HERC2: variants seen among roughly 807,000 people sequenced by gnomAD.
HERC2 encodes the protein E3 ubiquitin-protein ligase HERC2.
Under a neutral mutation model 537.7 loss-of-function variants are expected in HERC2, and 102 were observed. That is an observed-to-expected ratio of 0.19 (90% CI 0.16 to 0.22). The LOEUF (loss-of-function observed/expected upper bound fraction) is 0.22, where lower values mean the gene tolerates loss of function less well. Ranked by LOEUF, HERC2 falls within the 10% of genes least tolerant of loss-of-function variation. The pLI is 1.00. For synonymous variants in HERC2, 2,224 were observed against 2,466.2 expected, an observed-to-expected ratio of 0.90 and a Z score of 2.91; for missense variants, 4,236 against 6,198.2, an observed-to-expected ratio of 0.68 and a Z score of 10.63.
At chr15:28,304,250 T>A (rs188082077) in intron 2 of HERC2, among the ~76,000 whole-genome samples, 216 of 151,792 alleles carry the variant, frequency 1.4e-3, no homozygotes, top group African/African-American at 5.1e-3. Context: ...TTTACTGAAT[T>A]TATCAGTTCT....
In HERC2 at chr15:28,194,219, C is replaced by A. The variant is rs541474283; in HGVS notation, c.8260+1996G>T. Among the ~76,000 whole-genome samples the A allele has an allele frequency of 2.3e-3, 350 of 150,846 alleles. 3 individuals are homozygous for A. Among genetic ancestry groups the A allele is most frequent in the African/African-American group, 8.2e-3 (340 of 41,276 alleles). ...TAGCTGGGACTACAGGCGCCCGCCACCACGCCCGGCTAATTTTTTGTATTT... is the reference window on the plus strand; with the variant it reads ...TAGCTGGGACTACAGGCGCCCGCCAACACGCCCGGCTAATTTTTTGTATTT... On this transcript the variant is annotated intron_variant, in intron 52 of 92. Coordinates refer to ENST00000261609, the MANE Select transcript of HERC2 (RefSeq NM_004667.6).
At chr15:28,230,639 A>G (rs1901730515) in intron 30 of HERC2, 139 bp from the exon 31 acceptor site, 3 of 599,868 alleles carry the variant, frequency 5.0e-6, no homozygotes, top group Non-Finnish European at 8.7e-6. Context: ...TGCAATGCTC[A>G]ACAACAAGAG....
rs200862998 is a variant in HERC2, at chr15:28,245,566, T to TACAC, written c.3577+311_3577+314dup. 5.6e-3 allele frequency among the ~76,000 whole-genome samples: 668 copies of TACAC among 119,242 alleles called. 2 individuals are homozygous for TACAC. The highest frequency in any genetic ancestry group is 8.9e-3 in the African/African-American group (306 of 34,234). The allele number at this position is 119,242 out of a possible 152,430, so 78.2% of individuals were successfully genotyped here. On this transcript the variant is annotated intron_variant, in intron 23 of 92. Coordinates refer to ENST00000261609, the MANE Select transcript of HERC2 (RefSeq NM_004667.6). Reference sequence around the variant, plus strand: ...AGTGTCAAAAAAAAAAAAAAATATATACACACACACACACACACACACACA... The same window carrying TACAC: ...AGTGTCAAAAAAAAAAAAAAATATATACACACACACACACACACACACACACACA...
At chr15:28,167,193 G>C (rs572437664) in intron 68 of HERC2, among the ~76,000 whole-genome samples, 15 of 152,282 alleles carry the variant, frequency 9.9e-5, no homozygotes, top group Admixed American at 5.9e-4. Context: ...ACTTCCAGTG[G>C]AGAAACTTGG....
At chr15:28,246,599 A>T in intron 22 of HERC2, 143 bp downstream of exon 22, 1 of 327,700 alleles carries the variant, frequency 3.1e-6, no homozygotes, top group Non-Finnish European at 5.3e-6. Flanking sequence ...GTCAGTAACT[A>T]AAAAAAAAAA....
chr15:28,211,741 T>C (rs573911635), intron 43 of HERC2, among the ~76,000 whole-genome samples: 1 of 152,318 alleles, frequency 6.6e-6, no homozygotes, highest in East Asian at 1.9e-4. Flanking sequence ...GTGATTTGCA[T>C]GCACTGCACC....
At chr15:28,119,399 CAAAAAAAAAAAAAAAA>C (rs201078187) in intron 86 of HERC2, among the ~76,000 whole-genome samples, 5 of 133,960 alleles carry the variant, frequency 3.7e-5, no homozygotes, top group African/African-American at 7.0e-5. Context: ...GACTCCCTCT[CAAAAAAAAAAAAAAAA>C]AAAAAAAAAA....
In HERC2 at chr15:28,113,286, G is replaced by A; in HGVS notation, c.14020-3C>T. The A allele has an allele frequency of 6.2e-7, 1 of 1,613,898 alleles. No individual in the cohort carries two copies. The highest frequency in any genetic ancestry group is 1.1e-5 in the South Asian group (1 of 91,076). On this transcript the variant is annotated splice_polypyrimidine_tract_variant and splice_region_variant and intron_variant, in intron 91 of 92. Coordinates refer to ENST00000261609, the MANE Select transcript of HERC2 (RefSeq NM_004667.6). The surrounding 1 kb of genome is among the most constrained non-coding windows in gnomAD (Gnocchi z 7.0). ...GGGATGTCAGGGCTGCCACACACCT[G>A]CGGGAGGATGTCTGTCAGGGCCGCG...
Position 28,274,247 on chromosome 15 carries a change from G to A in HERC2, c.800+44C>T, listed in dbSNP as rs778179734. 4 of 1,604,934 alleles carry A rather than the reference G, an allele frequency of 2.5e-6. No homozygotes were observed. In the South Asian group the frequency reaches 4.4e-5, roughly 18 times the overall value. On this transcript the variant is annotated intron_variant, in intron 7 of 92. Coordinates refer to ENST00000261609, the MANE Select transcript of HERC2 (RefSeq NM_004667.6). The stretch of plus-strand genomic sequence containing the variant: ...GGGTGGTAAGAACCAGCCTCAAGCA[G>A]GCCAGCTGTCTGCGTGCAGAAGGCA...
In HERC2 at chr15:28,265,924, C is replaced by A. The variant is rs2075554513; in HGVS notation, c.1649G>T (p.Gly550Val). The A allele has an allele frequency of 6.2e-7, 1 of 1,614,188 alleles. No homozygotes were observed. The highest frequency in any genetic ancestry group is 1.7e-5 in the Admixed American group (1 of 60,022). The change falls in exon 13 of 93, where the codon GGG becomes GTG. Residue 550 changes from glycine to valine, a missense_variant. Coordinates refer to ENST00000261609, the MANE Select transcript of HERC2 (RefSeq NM_004667.6). This position sits in a 1 kb window ranked among gnomAD's most constrained non-coding sequence, Gnocchi z 4.0. ...GCAAGCGATGTGCACCACGTGCTTC[C>A]CGGCCTGCTTTCCAGAGAAGGCGGA... ...VISAFSGKQA[G>V]KHVVHIACGS...
At chr15:28,226,435 T>C (rs1195813498) in intron 35 of HERC2, among the ~76,000 whole-genome samples, 4 of 151,768 alleles carry the variant, frequency 2.6e-5, no homozygotes, top group Admixed American at 6.6e-5. Flanking sequence ...GATAATGTAA[T>C]TGAGAGTCCA....
At chr15:28,256,521 T>C (rs763370621) in intron 17 of HERC2, among the ~76,000 whole-genome samples, 5 of 152,170 alleles carry the variant, frequency 3.3e-5, no homozygotes, top group Admixed American at 6.5e-5. Context: ...AACCCCACTA[T>C]GAACATGTTT....
Position 28,280,253 on chromosome 15 carries a change from C to T in HERC2, c.357G>A (p.Leu119=), listed in dbSNP as rs1273073449. The change falls in exon 5 of 93, where the codon CTG becomes CTA. Residue 119 remains leucine, a synonymous_variant. Coordinates refer to ENST00000261609, the MANE Select transcript of HERC2 (RefSeq NM_004667.6). Reference sequence around the variant, plus strand: ...CGGCCAGGGCCTGCTGCTCTTTAACCAGCACAGAAAGACACTCCTTCAGTT... The same window carrying T: ...CGGCCAGGGCCTGCTGCTCTTTAACTAGCACAGAAAGACACTCCTTCAGTT... ...VNELKECLSV[L]VKEQQALAVQ... is the part of the protein sequence containing the mutation. The T allele has an allele frequency of 1.1e-5, 18 of 1,613,902 alleles. No individual in the cohort carries two copies. Among genetic ancestry groups the T allele is most frequent in the Non-Finnish European group, 1.5e-5 (18 of 1,180,000 alleles).
chr15:28,314,825 C>A (rs1296829116), intron 2 of HERC2, among the ~76,000 whole-genome samples: 2 of 151,026 alleles, frequency 1.3e-5, no homozygotes, highest in African/African-American at 2.4e-5. Context: ...CGCGCCACTG[C>A]ACTCCAGCCT....
intron 44 of HERC2, among the ~76,000 whole-genome samples, chr15:28,208,570 A>G (rs963777058): frequency 2.6e-5 from 4 of 152,096 alleles, no homozygotes; most frequent in African/African-American, 4.8e-5. Context: ...GTGGGCCTCA[A>G]GTTTCACCCT....
At position 28,248,927 on chromosome 15, in the gene HERC2, G is replaced by C. The variant is rs536218534; in HGVS notation, c.3051-191C>G. 4.6e-5 allele frequency among the ~76,000 whole-genome samples: 7 copies of C among 152,302 alleles called. No homozygotes were observed. In the South Asian group the frequency reaches 1.5e-3, roughly 32 times the overall value. ...CAACCTCAGCCAAAACGGAGCAGAA[G>C]GGCACGGAAGGCTCAAAAGAGATAA... On this transcript the variant is annotated intron_variant, in intron 20 of 92. Transcript: ENST00000261609.
At chr15:28,267,510 C>G (rs902491952) in intron 12 of HERC2, among the ~76,000 whole-genome samples, 40 of 152,188 alleles carry the variant, frequency 2.6e-4, no homozygotes, top group African/African-American at 7.0e-4. Flanking sequence ...TCAATCCCAG[C>G]CTTTACAATC....
intron 26 of HERC2, among the ~76,000 whole-genome samples, chr15:28,234,799 G>A (rs1251077000): frequency 5.5e-3 from 792 of 144,544 alleles, no homozygotes; most frequent in African/African-American, 0.019. Flanking sequence ...AGACCCAGAC[G>A]CTGAGTATCC....
intron 56 of HERC2, among the ~76,000 whole-genome samples, chr15:28,183,716 G>A (rs906373889): frequency 2.6e-5 from 4 of 152,082 alleles, no homozygotes; most frequent in Admixed American, 2.0e-4. Flanking sequence ...GGCACCAGAC[G>A]GCTTCCAGAC....
Sources: allele counts gnomAD v4.1 joint callset (sites outside exome capture counted in the v4.1 genomes callset), GRCh38; gene constraint gnomAD v4.1.1; non-coding constraint Gnocchi (gnomAD v3.1); transcripts MANE v1.5; gene names NCBI Gene and HGNC (gene_info 2026-07-23, HGNC 2026-07-21).